CDH9: variants seen among roughly 807,000 people sequenced by gnomAD.
CDH9 encodes cadherin-9.
CDH9 carries 28 observed loss-of-function variants against 70.9 expected under a neutral mutation model. The observed-to-expected ratio is 0.40, with a 90% CI of 0.29 to 0.54. CDH9 has a LOEUF of 0.54. Ranked by LOEUF, CDH9 falls within the 20% of genes least tolerant of loss-of-function variation. CDH9 has a pLI of 0.59. For missense variants in CDH9, 874 were observed against 984.4 expected, an observed-to-expected ratio of 0.89 and a Z score of 1.50; for synonymous variants, 409 against 343.1, an observed-to-expected ratio of 1.19 and a Z score of -2.12.
At chr5:26,902,960 T>G (rs1467542462) in intron 6 of CDH9, 5 of 400,394 alleles carry the variant, frequency 1.2e-5, no homozygotes, top group Non-Finnish European at 2.2e-5. Context: ...TGATTCTCAC[T>G]TAGTAATATG....
chr5:26,980,431 T>C (rs370096767), intron 2 of CDH9, among the ~76,000 whole-genome samples: 2 of 151,968 alleles, frequency 1.3e-5, no homozygotes, highest in African/African-American at 4.8e-5. Context: ...CAATTGTCTA[T>C]CTAAAGTGAC....
intron 7 of CDH9, among the ~76,000 whole-genome samples, chr5:26,891,785 T>G (rs529348853): frequency 1.3e-5 from 2 of 152,238 alleles, no homozygotes; most frequent in South Asian, 4.2e-4. Context: ...AAGAAGTACT[T>G]GACCCATTGT....
intron 3 of CDH9, among the ~76,000 whole-genome samples, chr5:26,913,079 T>C (rs961572921): frequency 3.3e-5 from 5 of 152,128 alleles, no homozygotes; most frequent in Admixed American, 3.3e-4. Flanking sequence ...AATCTCCTTT[T>C]CTTCCCAGTC....
chr5:26,883,041 T>TTAGATAGATAGATA (rs1221330777), intron 11 of CDH9, among the ~76,000 whole-genome samples: 2 of 58,024 alleles, frequency 3.4e-5, no homozygotes, highest in East Asian at 1.1e-3. Flanking sequence ...CAGGATCATC[T>TTAGATAGATAGATA]TATATATATA....
chr5:26,884,176 G>A (rs374981395), intron 11 of CDH9, among the ~76,000 whole-genome samples: 1 of 152,014 alleles, frequency 6.6e-6, no homozygotes, highest in African/African-American at 2.4e-5. Context: ...GCTGACTGCA[G>A]AACAGAAGAG....
intron 1 of CDH9, among the ~76,000 whole-genome samples, chr5:27,015,423 C>T (rs923439593): frequency 6.6e-6 from 1 of 151,662 alleles, no homozygotes; most frequent in South Asian, 2.1e-4. Context: ...TCTGAAGAAA[C>T]CTCATTTAAC....
intron 2 of CDH9, among the ~76,000 whole-genome samples, chr5:26,961,977 G>A (rs1335566160): frequency 2.6e-5 from 4 of 151,778 alleles, no homozygotes; most frequent in East Asian, 1.9e-4. Context: ...CCCTTCCCTC[G>A]CCCCCAACTC....
chr5:26,930,070 T>C (rs1051408770), intron 2 of CDH9, among the ~76,000 whole-genome samples: 1 of 152,106 alleles, frequency 6.6e-6, no homozygotes, highest in Non-Finnish European at 1.5e-5. Flanking sequence ...GTGATTATTG[T>C]GCATTGTATG....
rs539819171 is a variant in CDH9 at position 26,940,970 on chromosome 5, G to C, written c.229-25046C>G. ...CAGGCTGAAGCCGATGTAATAGATAGGGTTTTCATAGAACATAAATTGTGC... is the reference window on the plus strand; with the variant it reads ...CAGGCTGAAGCCGATGTAATAGATACGGTTTTCATAGAACATAAATTGTGC... On this transcript the variant is annotated intron_variant, in intron 2 of 11. Coordinates refer to ENST00000231021, the MANE Select transcript of CDH9 (RefSeq NM_016279.4). Among the ~76,000 whole-genome samples the C allele has an allele frequency of 1.3e-4, 20 of 152,322 alleles. No individual in the cohort carries two copies. The South Asian group carries it at 4.1e-3, about 32-fold the overall frequency.
At chr5:26,977,509 G>GTATATATATATATATATATA (rs1742324062) in intron 2 of CDH9, among the ~76,000 whole-genome samples, 1 of 139,586 alleles carries the variant, frequency 7.2e-6, no homozygotes, top group African/African-American at 3.1e-5. Context: ...ATATATATAT[G>GTATATATATATATATATATA]GCACTAAATA....
chr5:26,993,412 T>C (rs1742613602), intron 1 of CDH9, among the ~76,000 whole-genome samples: 1 of 152,108 alleles, frequency 6.6e-6, no homozygotes, highest in Admixed American at 6.5e-5. Flanking sequence ...CAAAAATTAC[T>C]TAAAATGAAA....
chr5:26,935,308 ACC>A (rs1741540306), intron 2 of CDH9, among the ~76,000 whole-genome samples: 1 of 152,176 alleles, frequency 6.6e-6, no homozygotes, highest in Non-Finnish European at 1.5e-5. Flanking sequence ...TAGATGCTTT[ACC>A]CCTAACATGA....
At chr5:26,978,515 T>C (rs943379601) in intron 2 of CDH9, among the ~76,000 whole-genome samples, 4 of 151,926 alleles carry the variant, frequency 2.6e-5, no homozygotes, top group East Asian at 1.9e-4. Flanking sequence ...TATGGGATGA[T>C]ATGAAATGCC....
intron 2 of CDH9, among the ~76,000 whole-genome samples, chr5:26,960,768 A>C (rs1323583445): frequency 1.3e-5 from 2 of 151,090 alleles, no homozygotes; most frequent in Non-Finnish European, 3.0e-5. Flanking sequence ...TATAAAAATA[A>C]ATTAGGTAAA....
At chr5:26,924,899 G>A (rs1216745227) in intron 2 of CDH9, among the ~76,000 whole-genome samples, 1 of 152,038 alleles carries the variant, frequency 6.6e-6, no homozygotes, top group African/African-American at 2.4e-5. Context: ...TTTTATGGCT[G>A]CATAATATTC....
intron 2 of CDH9, among the ~76,000 whole-genome samples, chr5:26,976,885 A>G (rs923512617): frequency 6.6e-6 from 1 of 151,882 alleles, no homozygotes; most frequent in Admixed American, 6.6e-5. Context: ...AGCATAAAAT[A>G]TTTTGTTATC....
At chr5:26,910,841 G>A (rs895977297) in intron 3 of CDH9, among the ~76,000 whole-genome samples, 6 of 152,152 alleles carry the variant, frequency 3.9e-5, no homozygotes, top group Non-Finnish European at 5.9e-5. Flanking sequence ...TTCTGCCATA[G>A]GGCGATGACA....
chr5:26,971,766 TACAC>T (rs34714145), intron 2 of CDH9, among the ~76,000 whole-genome samples: 1 of 151,060 alleles, frequency 6.6e-6, no homozygotes, highest in African/African-American at 2.4e-5. Flanking sequence ...TGCATTAAAA[TACAC>T]ACACACACAC....
intron 1 of CDH9, among the ~76,000 whole-genome samples, chr5:27,023,311 G>C (rs146550037): frequency 6.6e-6 from 1 of 151,870 alleles, no homozygotes; most frequent in African/African-American, 2.4e-5. Context: ...CGGGAGGCTC[G>C]GTTGATTCAT....
Sources: gnomAD v4.1 joint callset for allele counts (sites outside exome capture counted in the v4.1 genomes callset) on GRCh38, gnomAD v4.1.1 for gene constraint, MANE v1.5 for transcripts, NCBI Gene and HGNC (gene_info 2026-07-23, HGNC 2026-07-21) for gene names.